The following EML1 variants were observed in gnomAD, a reference collection of about 807,000 sequenced individuals.
EML1 encodes the protein EMAP like 1.
Under a neutral mutation model 110.4 loss-of-function variants are expected in EML1, and 27 were observed. The observed-to-expected ratio is 0.24, with a 90% CI of 0.18 to 0.34. EML1 has a LOEUF of 0.34. EML1 is among the 10% of genes least tolerant of loss of function. The pLI, the probability that EML1 is intolerant of heterozygous loss-of-function variation, is 1.00. For synonymous variants in EML1, 344 were observed against 385.8 expected, an observed-to-expected ratio of 0.89 and a Z score of 1.27; for missense variants, 741 against 1,030.9, an observed-to-expected ratio of 0.72 and a Z score of 3.85.
At chr14:99,794,938 A>AGGTT (rs957712437) in intron 1 of EML1, among the ~76,000 whole-genome samples, 4 of 152,222 alleles carry the variant, frequency 2.6e-5, no homozygotes, top group African/African-American at 9.6e-5. Context: ...CATTTTGAAT[A>AGGTT]GGTTCCTTAA....
chr14:99,935,038 C>T (rs1344240285), intron 17 of EML1, among the ~76,000 whole-genome samples: 3 of 152,162 alleles, frequency 2.0e-5, no homozygotes, highest in African/African-American at 7.2e-5. Flanking sequence ...AGTGCAGAGG[C>T]CTGAGTGAAC....
chr14:99,898,437 AT>A (rs2059706734), intron 8 of EML1, 135 bp downstream of exon 8: 4 of 807,936 alleles, frequency 5.0e-6, no homozygotes, highest in South Asian at 2.3e-5. Context: ...CCTCACTAGA[AT>A]TTTTTATTGT....
chr14:99,822,016 A>C (rs2058271850), intron 1 of EML1, among the ~76,000 whole-genome samples: 1 of 152,176 alleles, frequency 6.6e-6, no homozygotes, highest in Non-Finnish European at 1.5e-5. Context: ...TGGAATAAGC[A>C]GCAGCCAGCC....
chr14:99,799,428 T>G (rs2057833872), intron 1 of EML1, among the ~76,000 whole-genome samples: 1 of 152,198 alleles, frequency 6.6e-6, no homozygotes, highest in Non-Finnish European at 1.5e-5. Flanking sequence ...TGTAAGGAAA[T>G]TATCCAAACT....
chr14:99,871,757 A>G (rs2059208924), intron 3 of EML1, among the ~76,000 whole-genome samples: 1 of 152,200 alleles, frequency 6.6e-6, no homozygotes, highest in Admixed American at 6.5e-5. Context: ...TGGGCGAGGA[A>G]TTACTGCCAA....
chr14:99,893,658 G>A (rs1004226188), intron 5 of EML1, among the ~76,000 whole-genome samples: 1 of 152,194 alleles, frequency 6.6e-6, no homozygotes, highest in African/African-American at 2.4e-5. Context: ...ACTGTTCCTC[G>A]CCAATTTCCT....
chr14:99,813,522 C>T (rs1254353880), intron 1 of EML1, among the ~76,000 whole-genome samples: 1 of 152,018 alleles, frequency 6.6e-6, no homozygotes, highest in Non-Finnish European at 1.5e-5. Context: ...TGAGACCAGC[C>T]TAGGTCGCAT....
chr14:99,907,561 T>C lies in EML1; in HGVS notation c.1009-77T>C, dbSNP rs1347172516. 9 of 1,275,588 alleles carry C rather than the reference T, an allele frequency of 7.1e-6. No individual in the cohort carries two copies. In the Admixed American group the frequency reaches 1.8e-4, roughly 25 times the overall value. 79.0% of individuals were successfully genotyped at this position (1,275,588 alleles called of 1,614,324 possible). ...AGCAGACTCTTTATTAAAAATGAAA[T>C]TTGATGTTTATTTTTAATCATGTTC... On this transcript the variant is annotated intron_variant, in intron 9 of 21. Coordinates refer to ENST00000262233, the MANE Select transcript of EML1 (RefSeq NM_004434.3).
intron 4 of EML1, among the ~76,000 whole-genome samples, chr14:99,884,721 C>T (rs2059445360): frequency 6.6e-6 from 1 of 152,186 alleles, no homozygotes; most frequent in Non-Finnish European, 1.5e-5. Flanking sequence ...AAATAAAGCA[C>T]AGATGCAGAA....
chr14:99,826,475 C>T (rs1469763015), intron 1 of EML1, among the ~76,000 whole-genome samples: 2 of 152,060 alleles, frequency 1.3e-5, no homozygotes, highest in Non-Finnish European at 2.9e-5. Flanking sequence ...CTGTACAATT[C>T]CCAAGAAGGG....
At chr14:99,821,086 G>A (rs952668901) in intron 1 of EML1, among the ~76,000 whole-genome samples, 3 of 148,298 alleles carry the variant, frequency 2.0e-5, no homozygotes, top group Admixed American at 1.4e-4. Flanking sequence ...GCAGTGACAC[G>A]GTCATAGCTC....
chr14:99,774,321 AC>A (rs1353239082), intron 1 of EML1, among the ~76,000 whole-genome samples: 1 of 152,114 alleles, frequency 6.6e-6, no homozygotes, highest in Non-Finnish European at 1.5e-5. Context: ...ACCCGCATCC[AC>A]GCTCCTCACC....
chr14:99,782,588 G>T (rs1210657245), intron 1 of EML1, among the ~76,000 whole-genome samples: 1 of 152,182 alleles, frequency 6.6e-6, no homozygotes, highest in African/African-American at 2.4e-5. Flanking sequence ...CGGTGACCAA[G>T]CCTGTGAGGG....
chr14:99,791,839 C>T (rs957630031), upstream of EML1, among the ~76,000 whole-genome samples: 1 of 152,222 alleles, frequency 6.6e-6, no homozygotes, highest in Non-Finnish European at 1.5e-5. Flanking sequence ...CTTGGGGCCT[C>T]TCTTACCTGG....
intron 1 of EML1, among the ~76,000 whole-genome samples, chr14:99,765,530 C>A (rs2140193602): frequency 6.6e-6 from 1 of 152,226 alleles, no homozygotes; most frequent in East Asian, 1.9e-4. Flanking sequence ...GTCAAGGTTC[C>A]TCCGTGTTGT....
intron 1 of EML1, among the ~76,000 whole-genome samples, chr14:99,815,820 C>G (rs1431791021): frequency 6.6e-6 from 1 of 152,050 alleles, no homozygotes; most frequent in African/African-American, 2.4e-5. Flanking sequence ...GTGACATCAG[C>G]CTTGATTCTG....
chr14:99,801,863 C>T (rs551856365), intron 1 of EML1, among the ~76,000 whole-genome samples: 13 of 152,286 alleles, frequency 8.5e-5, no homozygotes, highest in Admixed American at 6.5e-4. Context: ...GTACTCACAG[C>T]GTCCATTATT....
chr14:99,865,201 G>C (rs979560701), intron 2 of EML1, among the ~76,000 whole-genome samples: 3 of 152,134 alleles, frequency 2.0e-5, no homozygotes, highest in Admixed American at 2.0e-4. Flanking sequence ...AGGGTTGATG[G>C]GAGACAGCGA....
At chr14:99,935,657 C>T (rs758418767) in intron 17 of EML1, among the ~76,000 whole-genome samples, 7 of 151,952 alleles carry the variant, frequency 4.6e-5, no homozygotes, top group Non-Finnish European at 1.0e-4. Context: ...GTGGCACGCA[C>T]CTGTGGTCCC....
Sources: allele counts gnomAD v4.1 joint callset (sites outside exome capture counted in the v4.1 genomes callset), GRCh38; gene constraint gnomAD v4.1.1; transcripts MANE v1.5; gene names NCBI Gene and HGNC (gene_info 2026-07-23, HGNC 2026-07-21).